Variants in SPATA31C1 observed in about 807,000 individuals in gnomAD.
SPATA31C1 encodes the protein spermatogenesis-associated protein 31C1.
At chr9:87,916,291 A>G (rs1420462670) in intron 1 of SPATA31C1, among the ~76,000 whole-genome samples, 3 of 145,888 alleles carry the variant, frequency 2.1e-5, no homozygotes, top group African/African-American at 7.5e-5. Flanking sequence ...ATGTAAAAAT[A>G]TGAAATTTAA....
chr9:87,921,962 C>CCT (rs1256324145), exon 5 of SPATA31C1: 1 of 1,612,636 alleles, frequency 6.2e-7, no homozygotes, highest in Non-Finnish European at 8.5e-7. Context: ...AGGTTTCATC[C>CCT]TTGTCCCTTA....
At chr9:87,919,432 A>T in intron 3 of SPATA31C1, 84 bp downstream of exon 2, 2 of 1,561,638 alleles carry the variant, frequency 1.3e-6, no homozygotes, top group Non-Finnish European at 1.7e-6. Context: ...CAGTTGAAAA[A>T]ACCTGAGGTG....
At chr9:87,921,598 A>C (rs777525218) in exon 5 of SPATA31C1, 8 of 1,611,898 alleles carry the variant, frequency 5.0e-6, no homozygotes, top group Non-Finnish European at 6.8e-6. Context: ...TTGAGGAGTG[A>C]CTCAGGAAGT....
exon 5 of SPATA31C1, chr9:87,921,531 C>A (rs749765781): frequency 6.2e-7 from 1 of 1,611,936 alleles, no homozygotes; most frequent in Admixed American, 1.7e-5. Context: ...GGAAAGCTTC[C>A]CAGGGAAGGT....
intron 2 of SPATA31C1, chr9:87,918,945 G>T (rs573422613): frequency 5.5e-6 from 2 of 365,612 alleles, no homozygotes; most frequent in Non-Finnish European, 1.1e-5. Flanking sequence ...GCTAATTTTC[G>T]TATTTTTAGT....
chr9:87,919,378 A>G (rs1828790617), intron 3 of SPATA31C1, 30 bp downstream of exon 2: 1 of 1,600,390 alleles, frequency 6.2e-7, no homozygotes, highest in Non-Finnish European at 8.5e-7. Flanking sequence ...CACTAGAGTT[A>G]ATTTGATCTC....
chr9:87,915,432 A>G (rs1422692704), intron 1 of SPATA31C1, among the ~76,000 whole-genome samples: 1 of 144,490 alleles, frequency 6.9e-6, no homozygotes, highest in Non-Finnish European at 1.5e-5. Flanking sequence ...CGTACTGAGT[A>G]GCTGGGGATT....
exon 5 of SPATA31C1, chr9:87,921,862 T>C (rs775421506): frequency 1.2e-6 from 2 of 1,612,062 alleles, no homozygotes; most frequent in South Asian, 2.2e-5. Context: ...CAGCAGGTGC[T>C]GGAAGCCCAT....
chr9:87,923,132 T>C (rs752835468), exon 5 of SPATA31C1: 16 of 1,603,520 alleles, frequency 1.0e-5, no homozygotes, highest in Non-Finnish European at 1.3e-5. Flanking sequence ...ACATGTCACT[T>C]TGCCATGCGC....
intron 2 of SPATA31C1, 190 bp from the exon 2 acceptor site, chr9:87,919,065 C>T (rs1828773774): frequency 6.4e-6 from 6 of 933,972 alleles, no homozygotes; most frequent in African/African-American, 3.4e-5. Flanking sequence ...CCACCGCACC[C>T]GACCCCCTCT....
rs1457931873 is a variant in SPATA31C1, at chr9:87,919,901, C to G, written n.581-15C>G. 6.2e-7 allele frequency: 1 copy of G among 1,606,772 alleles called. No individual in the cohort carries two copies. The highest frequency in any genetic ancestry group is 1.1e-5 in the South Asian group (1 of 90,858). ...AAGCCCCTCCCTCACTGCCCTAACC[C>G]GGTCTGATTTCCAGCTTGTAGAGAG... On this transcript the variant is annotated splice_polypyrimidine_tract_variant and intron_variant and non_coding_transcript_variant, in intron 3 of 4. Coordinates refer to ENST00000420021, the Ensembl canonical transcript of SPATA31C1.
chr9:87,919,116 C>G, intron 2 of SPATA31C1, 139 bp from the exon 2 acceptor site: 2 of 1,321,612 alleles, frequency 1.5e-6, no homozygotes, highest in Non-Finnish European at 1.1e-6. Flanking sequence ...TCCATTTAAA[C>G]ATGAGTGGGA....
chr9:87,921,474 C>G (rs1828864376), exon 5 of SPATA31C1: 1 of 1,611,876 alleles, frequency 6.2e-7, no homozygotes, highest in Non-Finnish European at 8.5e-7. Context: ...ATGCCCACAT[C>G]TGGGGCAAAT....
chr9:87,919,024 C>G (rs985842381), intron 2 of SPATA31C1: 21 of 553,984 alleles, frequency 3.8e-5, no homozygotes, highest in African/African-American at 3.7e-4. Flanking sequence ...CCTGCCTCGG[C>G]CTCCCAAAGT....
chr9:87,921,326 G>C, exon 5 of SPATA31C1: 1 of 1,612,004 alleles, frequency 6.2e-7, no homozygotes, highest in Non-Finnish European at 8.5e-7. Flanking sequence ...AAGAGTCTCT[G>C]GATCTGATGC....
intron 3 of SPATA31C1, among the ~76,000 whole-genome samples, 174 bp downstream of exon 2, chr9:87,919,522 G>C (rs1390077272): frequency 9.3e-6 from 1 of 106,988 alleles, no homozygotes; most frequent in Non-Finnish European, 1.8e-5. Flanking sequence ...GTGGGCCAGG[G>C]ACTGAGCGTT....
exon 5 of SPATA31C1, chr9:87,922,492 T>G (rs1436531063): frequency 6.2e-7 from 1 of 1,610,426 alleles, no homozygotes; most frequent in African/African-American, 1.3e-5. Flanking sequence ...GAGGAGGCTG[T>G]TAGTGAATTT....
intron 1 of SPATA31C1, among the ~76,000 whole-genome samples, chr9:87,915,303 G>A (rs1197422729): frequency 1.4e-4 from 19 of 132,710 alleles, no homozygotes; most frequent in African/African-American, 4.4e-4. Context: ...GTGTGTGTGC[G>A]TGTGTGTTTG....
At chr9:87,920,676 C>T (rs751248819) in exon 5 of SPATA31C1, 23 of 1,613,978 alleles carry the variant, frequency 1.4e-5, no homozygotes, top group Non-Finnish European at 1.7e-5. Flanking sequence ...CTCAGTGGCA[C>T]TTCCACTGGA....
Sources: allele counts gnomAD v4.1 joint callset (sites outside exome capture counted in the v4.1 genomes callset), GRCh38; gene constraint gnomAD v4.1.1; transcripts MANE v1.5; gene names NCBI Gene and HGNC (gene_info 2026-07-23, HGNC 2026-07-21).